Variants in HECW1 observed in about 807,000 individuals in gnomAD.
HECW1 encodes the protein E3 ubiquitin-protein ligase HECW1.
A neutral mutation model predicts 182.3 loss-of-function variants in HECW1; 61 were observed. The observed-to-expected ratio is 0.33, with a 90% CI of 0.27 to 0.41. The LOEUF (loss-of-function observed/expected upper bound fraction) is 0.41. Among genes scored for constraint, HECW1 ranks in the 10% least tolerant of loss-of-function variants. The pLI, the probability that HECW1 is intolerant of heterozygous loss-of-function variation, is 1.00. For synonymous variants in HECW1, 859 were observed against 832.6 expected (o/e 1.03, Z -0.55); for missense variants, 1,739 against 2,108.9 (o/e 0.82, Z 3.44).
chr7:43,179,759 T>A (rs1463051614), intron 2 of HECW1, among the ~76,000 whole-genome samples: 1 of 152,196 alleles, frequency 6.6e-6, no homozygotes, highest in Admixed American at 6.5e-5. Context: ...TTAGATAACA[T>A]CCAAATTTTC....
intron 8 of HECW1, among the ~76,000 whole-genome samples, chr7:43,420,073 A>T (rs1274207936): frequency 6.6e-6 from 1 of 152,246 alleles, no homozygotes; most frequent in African/African-American, 2.4e-5. Flanking sequence ...ACAGGCTATG[A>T]CCTAATGCTT....
chr7:43,158,494 A>G (rs1390218487), intron 2 of HECW1, among the ~76,000 whole-genome samples: 5 of 152,200 alleles, frequency 3.3e-5, no homozygotes, highest in Non-Finnish European at 7.3e-5. Context: ...TTTTTCATGC[A>G]TATCTGTGGG....
At chr7:43,449,866 C>T (rs931897822) in intron 11 of HECW1, among the ~76,000 whole-genome samples, 1 of 152,212 alleles carries the variant, frequency 6.6e-6, no homozygotes, top group Non-Finnish European at 1.5e-5. Context: ...ATTATGTGAC[C>T]CAAGCAGCTG....
intron 17 of HECW1, among the ~76,000 whole-genome samples, chr7:43,488,294 G>A (rs112154556): frequency 0.42 from 59,317 of 140,810 alleles, 13,029 homozygotes; most frequent in South Asian, 0.61. Flanking sequence ...TAGGCAACAG[G>A]GTGAGACTCC....
rs527887162 is a variant in HECW1 at position 43,292,101 on chromosome 7, G to A, written c.28-19662G>A. Reference sequence around the variant, plus strand: ...AGATGTAAATTTCTCTTACAAAAGGGTAACAGTTTCAGAGCTTCTCTGCAT... The same window carrying A: ...AGATGTAAATTTCTCTTACAAAAGGATAACAGTTTCAGAGCTTCTCTGCAT... On this transcript the variant is annotated intron_variant, in intron 3 of 29. Coordinates refer to ENST00000395891, the MANE Select transcript of HECW1 (RefSeq NM_015052.5). 1.1e-3 allele frequency among the ~76,000 whole-genome samples: 168 copies of A among 152,226 alleles called. 1 individual carries two copies. The highest frequency in any genetic ancestry group is 4.0e-3 in the African/African-American group (165 of 41,528).
intron 24 of HECW1, among the ~76,000 whole-genome samples, chr7:43,518,014 T>C (rs993125677): frequency 6.6e-6 from 1 of 152,194 alleles, no homozygotes; most frequent in Non-Finnish European, 1.5e-5. Context: ...AAGAAAATTA[T>C]GTTAGATTCC....
intron 3 of HECW1, among the ~76,000 whole-genome samples, chr7:43,285,717 C>T (rs1804557488): frequency 6.6e-6 from 1 of 151,942 alleles, no homozygotes; most frequent in African/African-American, 2.4e-5. Flanking sequence ...TCTATTCAGC[C>T]CAGGAAGTCA....
At chr7:43,475,287 A>C (rs1314167829) in intron 16 of HECW1, among the ~76,000 whole-genome samples, 2 of 152,232 alleles carry the variant, frequency 1.3e-5, no homozygotes, top group Non-Finnish European at 2.9e-5. Flanking sequence ...GCCATATAGC[A>C]ATAAAACTGA....
intron 8 of HECW1, among the ~76,000 whole-genome samples, chr7:43,417,019 G>A (rs906943498): frequency 1.3e-5 from 2 of 152,168 alleles, no homozygotes; most frequent in African/African-American, 4.8e-5. Context: ...CTGTAGACCG[G>A]AGCTGTTCCT....
chr7:43,538,077 T>C (rs2081242138), intron 24 of HECW1, among the ~76,000 whole-genome samples: 2 of 152,240 alleles, frequency 1.3e-5, no homozygotes, highest in Non-Finnish European at 1.5e-5. Context: ...TGGTTGCTCA[T>C]GATTGATCCG....
intron 2 of HECW1, among the ~76,000 whole-genome samples, chr7:43,140,398 T>G (rs1788033427): frequency 6.6e-6 from 1 of 152,178 alleles, no homozygotes; most frequent in South Asian, 2.1e-4. Flanking sequence ...TCTCTTTTCT[T>G]GTCAGTTCTC....
At position 43,552,128 on chromosome 7, in the gene HECW1, G is replaced by T. The variant is rs552469571; in HGVS notation, c.4396-94G>T. 302 of 760,026 alleles carry T rather than the reference G, an allele frequency of 4.0e-4. 4 individuals are homozygous for T. The South Asian group carries it at 4.2e-3, about 11-fold the overall frequency. The allele number at this position is 760,026 out of a possible 1,614,324, so 47.1% of individuals were successfully genotyped here. On this transcript the variant is annotated intron_variant, in intron 27 of 29. Coordinates refer to ENST00000395891, the MANE Select transcript of HECW1 (RefSeq NM_015052.5). ...CTCAAAAAAAGTATTGCCAGTGATG[G>T]TCAATTTCCCAGTTTAACCCACATA...
chr7:43,156,041 A>C (rs564087273), intron 2 of HECW1, among the ~76,000 whole-genome samples: 4 of 152,354 alleles, frequency 2.6e-5, no homozygotes, highest in Admixed American at 6.5e-5. Flanking sequence ...CACTGCAGTT[A>C]AATAGTTAAG....
intron 2 of HECW1, chr7:43,148,627 T>C (rs1788965735): frequency 6.6e-6 from 1 of 151,900 alleles, no homozygotes; most frequent in South Asian, 2.1e-4. Context: ...CCTGTACTCT[T>C]TGGATTTCTC....
At chr7:43,480,168 T>G (rs79820352) in intron 17 of HECW1, among the ~76,000 whole-genome samples, 1,627 of 152,300 alleles carry the variant, frequency 0.011, 36 homozygotes, top group African/African-American at 0.037. Context: ...ATCCATGGAC[T>G]AGAAACTAGG....
chr7:43,130,459 C>G (rs187292203), intron 2 of HECW1, among the ~76,000 whole-genome samples: 3 of 152,328 alleles, frequency 2.0e-5, no homozygotes, highest in Non-Finnish European at 2.9e-5. Flanking sequence ...CTATCTCAGG[C>G]ACCCATGTGG....
At chr7:43,420,768 C>A (rs145955746) in intron 8 of HECW1, among the ~76,000 whole-genome samples, 1 of 152,276 alleles carries the variant, frequency 6.6e-6, no homozygotes, top group Non-Finnish European at 1.5e-5. Flanking sequence ...TTACACCGTG[C>A]ACTACCACTT....
At chr7:43,310,939 C>G (rs1280348040) in intron 3 of HECW1, among the ~76,000 whole-genome samples, 1 of 152,080 alleles carries the variant, frequency 6.6e-6, no homozygotes, top group Non-Finnish European at 1.5e-5. Flanking sequence ...TCAGAATCAC[C>G]CTTGCTTGTT....
chr7:43,140,513 G>A (rs962563097), intron 2 of HECW1, among the ~76,000 whole-genome samples: 8 of 152,142 alleles, frequency 5.3e-5, no homozygotes, highest in African/African-American at 1.7e-4. Context: ...ACCACACATC[G>A]AATCCATCGT....
Sources: allele counts gnomAD v4.1 joint callset (sites outside exome capture counted in the v4.1 genomes callset), GRCh38; gene constraint gnomAD v4.1.1; transcripts MANE v1.5; gene names NCBI Gene and HGNC (gene_info 2026-07-23, HGNC 2026-07-21).